The following THTPA variants were observed in gnomAD, a reference collection of about 807,000 sequenced individuals.
THTPA encodes thiamine-triphosphatase.
In THTPA, 16 loss-of-function variants were observed where a neutral mutation model predicts 16.5. The ratio of observed to expected loss-of-function variants is 0.97; its 90% CI spans 0.66 to 1.47. The LOEUF is 1.47. Among genes scored for constraint, THTPA ranks in the 40% most tolerant of loss-of-function variants. The pLI is 0.00. For missense variants in THTPA, 281 were observed against 280.9 expected, an observed-to-expected ratio of 1.00 and a Z score of 0.00; for synonymous variants, 110 against 115.5, an observed-to-expected ratio of 0.95 and a Z score of 0.30.
At chr14:23,524,175 C>T in the THTPA span, 2 of 1,536,114 alleles carry the variant, frequency 1.3e-6, no homozygotes, top group East Asian at 2.4e-5. The surrounding 1 kb of genome is among the most constrained non-coding windows in gnomAD (Gnocchi z 5.6). Context: ...CTAGGCACCC[C>T]CCCAGGGGTG....
At chr14:23,530,037 A>G in the THTPA span, 1 of 1,335,052 alleles carries the variant, frequency 7.5e-7, no homozygotes, top group South Asian at 1.2e-5. Context: ...GAGCACAGAC[A>G]TTGCTGGGCT....
the THTPA span, among the ~76,000 whole-genome samples, chr14:23,546,871 C>G: frequency 3.9e-5 from 6 of 152,274 alleles, no homozygotes; most frequent in Admixed American, 6.5e-5. This position sits in a 1 kb window ranked among gnomAD's most constrained non-coding sequence, Gnocchi z 4.7. Context: ...TTCCTTCAGG[C>G]CCCCCGCCCA....
chr14:23,527,781 G>T, the THTPA span: 3 of 1,535,854 alleles, frequency 2.0e-6, no homozygotes, highest in African/African-American at 4.1e-5. Flanking sequence ...GGCTCAGGAA[G>T]CTGCAGTATG....
the THTPA span, chr14:23,533,653 G>T: frequency 3.9e-6 from 6 of 1,537,008 alleles, no homozygotes; most frequent in Admixed American, 2.0e-5. The surrounding 1 kb of genome is among the most constrained non-coding windows in gnomAD (Gnocchi z 4.8). Context: ...TTTGTCTCCC[G>T]CGGAGGGTGG....
At chr14:23,526,123 C>T in the THTPA span, 3 of 1,536,482 alleles carry the variant, frequency 2.0e-6, no homozygotes, top group Non-Finnish European at 2.6e-6. Flanking sequence ...GAGAGCGAGT[C>T]TGATGCAGAA....
the THTPA span, chr14:23,521,853 T>C: frequency 1.4e-6 from 2 of 1,478,056 alleles, no homozygotes; most frequent in Non-Finnish European, 1.8e-6. Context: ...TCCTGTGAGG[T>C]GGGCGGGGCC....
the THTPA span, chr14:23,525,497 C>G: frequency 9.1e-6 from 14 of 1,535,706 alleles, no homozygotes; most frequent in African/African-American, 1.4e-5. This position sits in a 1 kb window ranked among gnomAD's most constrained non-coding sequence, Gnocchi z 5.9. Flanking sequence ...ACAGGCCCCA[C>G]AGGCCAGCTT....
the THTPA span, chr14:23,528,716 T>C: frequency 2.0e-6 from 2 of 985,308 alleles, no homozygotes; most frequent in Non-Finnish European, 2.4e-6. Context: ...TTCTTTTTCC[T>C]AATGTGAATA....
the THTPA span, chr14:23,532,653 T>C: frequency 6.7e-7 from 1 of 1,484,078 alleles, no homozygotes; most frequent in Non-Finnish European, 8.9e-7. Context: ...AAGTCACAGA[T>C]GTTGCAGCGC....
the THTPA span, chr14:23,533,678 G>T: frequency 0.12 from 188,732 of 1,538,162 alleles, 12,188 homozygotes; most frequent in South Asian, 0.15. The surrounding 1 kb of genome is among the most constrained non-coding windows in gnomAD (Gnocchi z 4.8). Context: ...GATGCCTCTG[G>T]TGGACTTCCC....
the THTPA span, chr14:23,525,515 C>A: frequency 6.5e-7 from 1 of 1,535,722 alleles, no homozygotes; most frequent in South Asian, 1.2e-5. The surrounding 1 kb of genome is among the most constrained non-coding windows in gnomAD (Gnocchi z 5.9). Context: ...CTTGTCCCCA[C>A]CCCCGAGGGC....
chr14:23,515,359 G>T, the THTPA span, among the ~76,000 whole-genome samples: 3 of 152,200 alleles, frequency 2.0e-5, no homozygotes, highest in Non-Finnish European at 4.4e-5. Context: ...ATGGAAAGGT[G>T]CTCTAGGCCT....
the THTPA span, among the ~76,000 whole-genome samples, chr14:23,514,983 C>A: frequency 9.8e-3 from 1,497 of 152,086 alleles, 19 homozygotes; most frequent in African/African-American, 0.034. Context: ...GAGCACCATG[C>A]GAAAGGAAAC....
chr14:23,554,549 ATTTT>A (rs35367737), upstream of THTPA, among the ~76,000 whole-genome samples: 5 of 135,654 alleles, frequency 3.7e-5, no homozygotes, highest in East Asian at 6.4e-4. Context: ...GCTAATTAAA[ATTTT>A]TTTTTTTTTT....
chr14:23,541,827 A>G, the THTPA span, among the ~76,000 whole-genome samples: 2 of 65,776 alleles, frequency 3.0e-5, no homozygotes, highest in African/African-American at 2.3e-4. Flanking sequence ...TCATTCTATC[A>G]TCTCTAAATC....
chr14:23,522,581 T>C, the THTPA span: 3 of 1,527,754 alleles, frequency 2.0e-6, no homozygotes, highest in Non-Finnish European at 2.6e-6. Context: ...GTAGGCCCCC[T>C]GTAGCTGGGG....
At chr14:23,517,599 A>G in the THTPA span, among the ~76,000 whole-genome samples, 1 of 152,230 alleles carries the variant, frequency 6.6e-6, no homozygotes, top group African/African-American at 2.4e-5. Context: ...GTGACATCAT[A>G]TGAGTTTTCC....
the THTPA span, chr14:23,532,969 G>C: frequency 1.3e-6 from 2 of 1,536,250 alleles, no homozygotes; most frequent in Non-Finnish European, 1.7e-6. Context: ...CTAGGCAGCG[G>C]AACACCTTCA....
At chr14:23,514,773 G>T in the THTPA span, among the ~76,000 whole-genome samples, 1 of 152,086 alleles carries the variant, frequency 6.6e-6, no homozygotes, top group Non-Finnish European at 1.5e-5. Context: ...AGAGAGAGGG[G>T]GCTGTGCACA....
Sources: allele counts gnomAD v4.1 joint callset (sites outside exome capture counted in the v4.1 genomes callset), GRCh38; gene constraint gnomAD v4.1.1; non-coding constraint Gnocchi (gnomAD v3.1); transcripts MANE v1.5; gene names NCBI Gene and HGNC (gene_info 2026-07-23, HGNC 2026-07-21).